Variants in GPHN observed in about 807,000 individuals in gnomAD.
GPHN encodes gephyrin.
GPHN carries 17 observed loss-of-function variants against 95.5 expected under a neutral mutation model. That is an observed-to-expected ratio of 0.18 (90% CI 0.12 to 0.27). GPHN has a LOEUF of 0.27. Among genes scored for constraint, GPHN ranks in the 10% least tolerant of loss-of-function variants. The probability of loss-of-function intolerance (pLI) is 1.00; values close to 1 mark genes in which losing one functional copy is unlikely to be tolerated. For missense variants in GPHN, 660 were observed against 978.1 expected (o/e 0.67, Z 4.34); for synonymous variants, 320 against 322.5 (o/e 0.99, Z 0.08).
At chr14:66,944,806 G>A (rs971546256) in intron 8 of GPHN, among the ~76,000 whole-genome samples, 1 of 152,232 alleles carries the variant, frequency 6.6e-6, no homozygotes, top group Non-Finnish European at 1.5e-5. Flanking sequence ...TTTCCCTGGG[G>A]AGGGGAAGGC....
chr14:67,165,245 T>C lies in GPHN; in HGVS notation c.1975+19T>C, dbSNP rs751424941. 2 of 1,559,742 alleles carry C rather than the reference T, an allele frequency of 1.3e-6. No individual in the cohort carries two copies. Among genetic ancestry groups the C allele is most frequent in the Non-Finnish European group, 1.8e-6 (2 of 1,130,690 alleles). On this transcript the variant is annotated intron_variant, in intron 20 of 22. Transcript: ENST00000478722. ...CTACCTGGTAAGAATAACAAATTGT[T>C]TCCTTTCCTTTTTCTGGAAAAATAG...
At chr14:67,662,456 A>G in the GPHN span, 4 of 1,610,560 alleles carry the variant, frequency 2.5e-6, no homozygotes, top group Non-Finnish European at 3.4e-6. Context: ...AGAAGAAACA[A>G]AATTTGTTCC....
At chr14:66,897,852 T>C (rs1320572620) in intron 5 of GPHN, among the ~76,000 whole-genome samples, 2 of 152,132 alleles carry the variant, frequency 1.3e-5, no homozygotes, top group Non-Finnish European at 2.9e-5. Context: ...TGTCAAATTA[T>C]TATCCAGAGC....
At chr14:66,893,334 G>A (rs1316193590) in intron 5 of GPHN, among the ~76,000 whole-genome samples, 1 of 152,174 alleles carries the variant, frequency 6.6e-6, no homozygotes, top group Non-Finnish European at 1.5e-5. Context: ...CAGGACAGTG[G>A]TTGCAGCCCA....
At chr14:66,876,593 A>G (rs2063675009) in intron 4 of GPHN, among the ~76,000 whole-genome samples, 2 of 152,184 alleles carry the variant, frequency 1.3e-5, no homozygotes, top group South Asian at 2.1e-4. Flanking sequence ...AATACAAACT[A>G]CCATCAGTGA....
the GPHN span, among the ~76,000 whole-genome samples, chr14:67,390,435 A>T: frequency 5.7e-4 from 87 of 152,282 alleles, no homozygotes; most frequent in East Asian, 6.2e-3. Context: ...ATGCCCTCCC[A>T]TGGGAAAGTG....
At chr14:67,537,368 A>AATAATAATAATG in the GPHN span, among the ~76,000 whole-genome samples, 3 of 138,156 alleles carry the variant, frequency 2.2e-5, no homozygotes, top group Non-Finnish European at 3.1e-5. Flanking sequence ...TAATAATAAT[A>AATAATAATAATG]ATAATAATAA....
At chr14:67,416,726 G>A in the GPHN span, among the ~76,000 whole-genome samples, 2 of 152,228 alleles carry the variant, frequency 1.3e-5, no homozygotes, top group Admixed American at 1.3e-4. Context: ...GACCTGCCCT[G>A]GGGCCTCATA....
chr14:67,476,459 C>T, the GPHN span, among the ~76,000 whole-genome samples: 1 of 151,950 alleles, frequency 6.6e-6, no homozygotes, highest in Non-Finnish European at 1.5e-5. Context: ...TGGTGGCATG[C>T]ACCTGTAGTC....
the GPHN span, among the ~76,000 whole-genome samples, chr14:67,539,529 G>A: frequency 6.6e-6 from 1 of 152,154 alleles, no homozygotes; most frequent in Non-Finnish European, 1.5e-5. Flanking sequence ...TGCTTGGGGA[G>A]ATTATGGTGT....
In GPHN at chr14:67,123,385, C is replaced by G. The variant is rs543537610; in HGVS notation, c.1748+1008C>G. Among the ~76,000 whole-genome samples the G allele has an allele frequency of 2.6e-5, 4 of 152,322 alleles. No individual in the cohort carries two copies. In the South Asian group the frequency reaches 8.3e-4, roughly 32 times the overall value. The stretch of plus-strand genomic sequence containing the variant: ...CACACTGGACATAGTCTAACCTAAG[C>G]TTGTCCAGGCCAGGCACAGTGGCTC... On this transcript the variant is annotated intron_variant, in intron 17 of 22. Transcript: ENST00000478722.
intron 8 of GPHN, among the ~76,000 whole-genome samples, chr14:66,931,835 A>G (rs560126605): frequency 3.0e-4 from 46 of 152,212 alleles, no homozygotes; most frequent in Non-Finnish European, 4.3e-4. Flanking sequence ...AAAAGGTCAC[A>G]TATCTCTGTT....
chr14:67,651,323 T>A, the GPHN span: 1 of 1,610,530 alleles, frequency 6.2e-7, no homozygotes, highest in Non-Finnish European at 8.5e-7. Flanking sequence ...TCTATCCACA[T>A]CCCTAACATC....
chr14:67,242,802 C>T, the GPHN span, among the ~76,000 whole-genome samples: 1 of 152,018 alleles, frequency 6.6e-6, no homozygotes, highest in Non-Finnish European at 1.5e-5. Context: ...TAAATTTTAC[C>T]ATGTACCTGA....
At chr14:67,460,593 A>G in the GPHN span, among the ~76,000 whole-genome samples, 1 of 152,156 alleles carries the variant, frequency 6.6e-6, no homozygotes, top group African/African-American at 2.4e-5. Context: ...AGTCCCAGGT[A>G]CTCGGGAGGC....
intron 1 of GPHN, among the ~76,000 whole-genome samples, chr14:66,587,611 A>G (rs995425729): frequency 6.6e-6 from 1 of 152,240 alleles, no homozygotes; most frequent in Non-Finnish European, 1.5e-5. Flanking sequence ...ATTAACAAAA[A>G]GAAGGACAAA....
chr14:67,132,477 T>C (rs1307911199), intron 17 of GPHN, among the ~76,000 whole-genome samples: 1 of 152,164 alleles, frequency 6.6e-6, no homozygotes, highest in East Asian at 1.9e-4. Flanking sequence ...TCTTTTTTTT[T>C]CTTTTACTCC....
chr14:67,119,528 G>A (rs1262663340), intron 16 of GPHN, among the ~76,000 whole-genome samples: 1 of 152,078 alleles, frequency 6.6e-6, no homozygotes, highest in East Asian at 1.9e-4. Flanking sequence ...AGTGGCTCAC[G>A]CCTGTAATCC....
intron 9 of GPHN, among the ~76,000 whole-genome samples, chr14:67,012,739 C>G (rs1265870600): frequency 2.0e-5 from 3 of 152,090 alleles, no homozygotes; most frequent in Non-Finnish European, 4.4e-5. Flanking sequence ...GGTGGAAATT[C>G]AACAAAACAT....
Sources: gnomAD v4.1 joint callset for allele counts (sites outside exome capture counted in the v4.1 genomes callset) on GRCh38, gnomAD v4.1.1 for gene constraint, MANE v1.5 for transcripts, NCBI Gene and HGNC (gene_info 2026-07-23, HGNC 2026-07-21) for gene names.